The following ZNF385D variants were observed in gnomAD, a reference collection of about 807,000 sequenced individuals.
The protein encoded by ZNF385D is zinc finger protein 659.
ZNF385D carries 15 observed loss-of-function variants against 35.8 expected under a neutral mutation model. That is an observed-to-expected ratio of 0.42 (90% CI 0.28 to 0.64). The LOEUF (loss-of-function observed/expected upper bound fraction) is 0.64, where lower values mean the gene tolerates loss of function less well. ZNF385D is among the 30% of genes least tolerant of loss of function. The probability of loss-of-function intolerance (pLI) is 0.23; values close to 1 mark genes in which losing one functional copy is unlikely to be tolerated. For synonymous variants in ZNF385D, 212 were observed against 186.8 expected (o/e 1.13, Z -1.10); for missense variants, 474 against 494.6 (o/e 0.96, Z 0.39).
At chr3:21,610,144 C>CAAA (rs10663615) in intron 2 of ZNF385D, among the ~76,000 whole-genome samples, 40,264 of 148,934 alleles carry the variant, frequency 0.27, 6,090 homozygotes, top group South Asian at 0.45. Context: ...TCGCATCTAC[C>CAAA]AAAAAAAAAA....
At chr3:22,202,391 A>G (rs1401603865) in intron 2 of ZNF385D, among the ~76,000 whole-genome samples, 1 of 152,128 alleles carries the variant, frequency 6.6e-6, no homozygotes, top group Admixed American at 6.6e-5. Flanking sequence ...CACAGAAAAT[A>G]CTAGCATAAT....
intron 3 of ZNF385D, among the ~76,000 whole-genome samples, chr3:22,066,479 T>TGG (rs1004877804): frequency 2.7e-5 from 4 of 147,658 alleles, no homozygotes; most frequent in Non-Finnish European, 4.5e-5. Flanking sequence ...TGTGTGTGTG[T>TGG]GTGTGTGTGT....
chr3:21,728,699 T>C (rs1473596077), intron 1 of ZNF385D, among the ~76,000 whole-genome samples: 1 of 152,120 alleles, frequency 6.6e-6, no homozygotes, highest in Non-Finnish European at 1.5e-5. Context: ...GCTTCCCCAA[T>C]GTACTCAGCT....
chr3:21,868,914 T>A (rs560729517), intron 3 of ZNF385D, among the ~76,000 whole-genome samples: 1 of 152,172 alleles, frequency 6.6e-6, no homozygotes, highest in African/African-American at 2.4e-5. Flanking sequence ...TTAGACCCTA[T>A]TTTCAGAGGT....
chr3:22,130,328 C>A (rs969836113), intron 3 of ZNF385D, among the ~76,000 whole-genome samples: 1 of 152,138 alleles, frequency 6.6e-6, no homozygotes, highest in East Asian at 1.9e-4. Flanking sequence ...ATGTACCCAA[C>A]GTCCAATGGC....
intron 1 of ZNF385D, among the ~76,000 whole-genome samples, chr3:21,750,442 G>A (rs2070011236): frequency 6.6e-6 from 1 of 152,166 alleles, no homozygotes; most frequent in Non-Finnish European, 1.5e-5. Flanking sequence ...ACTAGACAAT[G>A]TTTTCCTTTT....
chr3:21,972,741 G>A (rs1559805468), intron 3 of ZNF385D, among the ~76,000 whole-genome samples: 1 of 151,722 alleles, frequency 6.6e-6, no homozygotes, highest in Admixed American at 6.6e-5. Context: ...ATGAAAAAGG[G>A]ACATTACAAC....
intron 3 of ZNF385D, among the ~76,000 whole-genome samples, chr3:22,149,302 G>A (rs1430084231): frequency 6.6e-6 from 1 of 152,062 alleles, no homozygotes; most frequent in Non-Finnish European, 1.5e-5. Flanking sequence ...CATTTAACAA[G>A]AACTAATAGT....
chr3:22,176,875 T>C (rs34342761), intron 2 of ZNF385D, among the ~76,000 whole-genome samples: 5,822 of 152,270 alleles, frequency 0.038, 136 homozygotes, highest in Middle Eastern at 0.071. Context: ...GGTAAATCAT[T>C]CAAGTAGAAT....
chr3:21,725,478 C>A (rs2068719633), intron 1 of ZNF385D, among the ~76,000 whole-genome samples: 1 of 151,934 alleles, frequency 6.6e-6, no homozygotes, highest in Non-Finnish European at 1.5e-5. Flanking sequence ...CAAATAGATG[C>A]AATAAAAAAT....
chr3:21,466,181 T>G (rs163471), intron 4 of ZNF385D, among the ~76,000 whole-genome samples: 9,866 of 152,206 alleles, frequency 0.065, 434 homozygotes, highest in Non-Finnish European at 0.093. Context: ...AATCTTTACC[T>G]TATAATATGT....
chr3:22,182,843 A>G (rs1483969028), intron 2 of ZNF385D, among the ~76,000 whole-genome samples: 4 of 152,120 alleles, frequency 2.6e-5, no homozygotes, highest in African/African-American at 7.2e-5. Flanking sequence ...TACATATACA[A>G]TAGAGATTTT....
chr3:21,930,686 G>A (rs1700963116), intron 3 of ZNF385D, among the ~76,000 whole-genome samples: 1 of 152,152 alleles, frequency 6.6e-6, no homozygotes, highest in Non-Finnish European at 1.5e-5. Context: ...GTGGTCAACT[G>A]ATTTTTGACA....
At chr3:22,210,216 T>C (rs1185132466) in intron 2 of ZNF385D, among the ~76,000 whole-genome samples, 2 of 151,874 alleles carry the variant, frequency 1.3e-5, no homozygotes, top group Admixed American at 6.6e-5. Flanking sequence ...ATCATAAAGA[T>C]ATAGCTTCAA....
At chr3:22,224,304 G>A (rs1284728969) in intron 2 of ZNF385D, among the ~76,000 whole-genome samples, 2 of 152,150 alleles carry the variant, frequency 1.3e-5, no homozygotes, top group African/African-American at 2.4e-5. Context: ...GAGTAGTAGT[G>A]TAATCAACAT....
Position 21,511,142 on chromosome 3 carries a change from C to A in ZNF385D, c.277-119G>T, listed in dbSNP as rs1013894317. ...AGGTACCATTCGAGCTAATTCTGGC[C>A]GTGGCCAGACAGTGGGGTTCTATTT... On this transcript the variant is annotated intron_variant, in intron 3 of 7. Transcript: ENST00000281523. The A allele has an allele frequency of 9.4e-6, 12 of 1,274,002 alleles. No individual in the cohort carries two copies. The East Asian group carries it at 2.7e-4, about 29-fold the overall frequency. 78.9% of individuals were successfully genotyped at this position (1,274,002 alleles called of 1,614,324 possible).
intron 4 of ZNF385D, among the ~76,000 whole-genome samples, chr3:21,453,474 A>G (rs1363181520): frequency 6.6e-6 from 1 of 152,030 alleles, no homozygotes; most frequent in Non-Finnish European, 1.5e-5. Flanking sequence ...TGTATCTGAT[A>G]TAGGTCTAAT....
intron 2 of ZNF385D, among the ~76,000 whole-genome samples, chr3:22,172,141 CT>C: frequency 6.6e-6 from 1 of 152,242 alleles, no homozygotes; most frequent in Admixed American, 6.5e-5. Context: ...CCCTCCTAAC[CT>C]TCACCCCTCA....
chr3:22,056,601 AAG>A (rs1208426374), intron 3 of ZNF385D, among the ~76,000 whole-genome samples: 2 of 152,216 alleles, frequency 1.3e-5, no homozygotes, highest in African/African-American at 2.4e-5. Flanking sequence ...ATAAAACAAA[AAG>A]AACTCTACAA....
Sources: allele counts gnomAD v4.1 joint callset (sites outside exome capture counted in the v4.1 genomes callset), GRCh38; gene constraint gnomAD v4.1.1; transcripts MANE v1.5; gene names NCBI Gene and HGNC (gene_info 2026-07-23, HGNC 2026-07-21).